Variants in AUTS2 observed in about 807,000 individuals in gnomAD.
AUTS2 encodes autism susceptibility gene 2 protein.
In AUTS2, 17 loss-of-function variants were observed where a neutral mutation model predicts 112.4. That is an observed-to-expected ratio of 0.15 (90% confidence interval 0.10 to 0.23). The LOEUF is 0.23. Ranked by LOEUF, AUTS2 falls within the 10% of genes least tolerant of loss-of-function variation. The pLI is 1.00. For missense variants in AUTS2, 1,510 were observed against 1,701.6 expected (o/e 0.89, Z 1.98); for synonymous variants, 751 against 702.7 (o/e 1.07, Z -1.09).
Position 70,791,020 on chromosome 7 carries a change from G to C in AUTS2, c.*24G>C. The C allele has an allele frequency of 6.8e-7, 1 of 1,475,104 alleles. No homozygotes were observed. Among genetic ancestry groups the C allele is most frequent in the Non-Finnish European group, 9.0e-7 (1 of 1,116,446 alleles). 91.4% of individuals were successfully genotyped at this position (1,475,104 alleles called of 1,614,324 possible). A position where few individuals can be genotyped will look rare whatever the true frequency, so the allele number is the denominator to read the frequency against. On this transcript the variant is annotated 3_prime_UTR_variant, in exon 19 of 19. Transcript: ENST00000342771. ...AAGCCGAGAACAGGAGCAAGAACGA[G>C]GAAGAAGAAACCCTAGGCAGACACC...
At chr7:70,029,834 G>A (rs1387233301) in intron 2 of AUTS2, among the ~76,000 whole-genome samples, 2 of 152,178 alleles carry the variant, frequency 1.3e-5, no homozygotes, top group African/African-American at 4.8e-5. Context: ...ATCGTAATAT[G>A]AAAAATATGT....
chr7:70,579,411 T>C (rs988746617), intron 5 of AUTS2, among the ~76,000 whole-genome samples: 2 of 152,178 alleles, frequency 1.3e-5, no homozygotes, highest in African/African-American at 4.8e-5. Context: ...CTTAAGGACT[T>C]TTTTTCTTGA....
rs59473239 is a variant in AUTS2, at chr7:70,787,003, GA to G, written c.2309-196del. 9,137 of 581,852 alleles carry G rather than the reference GA, an allele frequency of 0.016. 274 individuals are homozygous for G. The highest frequency in any genetic ancestry group is 0.1 in the African/African-American group (5,158 of 51,502). The allele number at this position is 581,852 out of a possible 1,614,324, so 36.0% of individuals were successfully genotyped here. ...CCACCTTTGCTTTTGGTTTTAAAAA[GA>G]AAAAAAAAAGCTGTGAGCTACCTCT... On this transcript the variant is annotated intron_variant, in intron 17 of 18. Coordinates refer to ENST00000342771, the MANE Select transcript of AUTS2 (RefSeq NM_015570.4).
chr7:70,649,500 T>TTTTA (rs80256360), intron 5 of AUTS2, among the ~76,000 whole-genome samples: 87,129 of 143,716 alleles, frequency 0.61, 26,851 homozygotes, highest in South Asian at 0.69. Context: ...TGGTGATTTA[T>TTTTA]TTTATTTATT....
chr7:70,211,652 G>GA (rs1367661179), intron 4 of AUTS2, among the ~76,000 whole-genome samples: 22 of 144,640 alleles, frequency 1.5e-4, no homozygotes, highest in Non-Finnish European at 2.6e-4. Context: ...CTGTCTCAAA[G>GA]AAAAAAAAAG....
intron 2 of AUTS2, among the ~76,000 whole-genome samples, chr7:70,065,690 T>A (rs984332583): frequency 2.6e-5 from 4 of 151,846 alleles, no homozygotes; most frequent in African/African-American, 7.3e-5. Flanking sequence ...AGAGTGAAAC[T>A]CCATCTCAAA....
intron 1 of AUTS2, among the ~76,000 whole-genome samples, chr7:69,630,206 G>A (rs1465486115): frequency 1.3e-5 from 2 of 152,178 alleles, no homozygotes; most frequent in Non-Finnish European, 2.9e-5. Context: ...GCAGTGAGCC[G>A]AGATCGTGCC....
chr7:70,240,551 T>G (rs1439521833), intron 4 of AUTS2, among the ~76,000 whole-genome samples: 4 of 152,168 alleles, frequency 2.6e-5, no homozygotes, highest in Non-Finnish European at 4.4e-5. Flanking sequence ...CTAACATCTT[T>G]CCAGAAACCA....
chr7:70,241,610 A>G (rs1812617371), intron 4 of AUTS2, among the ~76,000 whole-genome samples: 1 of 152,132 alleles, frequency 6.6e-6, no homozygotes, highest in African/African-American at 2.4e-5. Context: ...CTGTAAGAAA[A>G]ATGGGAGGGG....
At position 70,631,793 on chromosome 7, in the gene AUTS2, C is replaced by T. The variant is rs1162387285; in HGVS notation, c.691-66776C>T. On this transcript the variant is annotated intron_variant, in intron 5 of 18. Coordinates refer to ENST00000342771, the MANE Select transcript of AUTS2 (RefSeq NM_015570.4). The surrounding 1 kb of genome is among the most constrained non-coding windows in gnomAD (Gnocchi z 4.5). ...TTGAATCAATACTGCTGCTTGACAG[C>T]ATCTCCAGCCCCGCGCCCGTGTGTG... is the stretch of plus-strand genomic sequence containing the variant. Among the ~76,000 whole-genome samples the T allele has an allele frequency of 1.3e-5, 2 of 152,128 alleles. No homozygotes were observed. Among genetic ancestry groups the T allele is most frequent in the Admixed American group, 6.5e-5 (1 of 15,282 alleles).
At chr7:70,362,628 C>T (rs564717639) in intron 4 of AUTS2, among the ~76,000 whole-genome samples, 1 of 152,160 alleles carries the variant, frequency 6.6e-6, no homozygotes, top group South Asian at 2.1e-4. Context: ...CCCTCCCTCC[C>T]TCTCTCCTTC....
In AUTS2 at chr7:69,603,895, GT is replaced by G. The variant is rs200991875; in HGVS notation, c.309+3941del. On this transcript the variant is annotated intron_variant, in intron 1 of 18. Transcript: ENST00000342771. ...ATAGTGTTGGCTTTCTGCTATTTGG[GT>G]TTTTTTTCTGTGTTGTGTCTATTAG... Among the ~76,000 whole-genome samples the G allele has an allele frequency of 1.1e-4, 17 of 151,974 alleles. No individual in the cohort carries two copies. The East Asian group carries it at 3.1e-3, about 28-fold the overall frequency.
At chr7:70,740,516 C>G (rs375273464) in intron 6 of AUTS2, among the ~76,000 whole-genome samples, 1 of 152,058 alleles carries the variant, frequency 6.6e-6, no homozygotes, top group Admixed American at 6.5e-5. Context: ...CATGTCTCAT[C>G]ATATTCCTCT....
chr7:69,780,198 A>G (rs185946879), intron 1 of AUTS2, among the ~76,000 whole-genome samples: 12 of 152,330 alleles, frequency 7.9e-5, no homozygotes, highest in Middle Eastern at 3.4e-3. Context: ...ATGTTTGGCC[A>G]TATCAGATTT....
intron 2 of AUTS2, among the ~76,000 whole-genome samples, chr7:70,043,147 G>A (rs1002837796): frequency 2.0e-5 from 3 of 152,110 alleles, no homozygotes; most frequent in Admixed American, 1.3e-4. Flanking sequence ...GGCTGACTTG[G>A]AAGGAAATTA....
chr7:70,567,612 CAT>C (rs1801758988), intron 5 of AUTS2, among the ~76,000 whole-genome samples: 1 of 152,210 alleles, frequency 6.6e-6, no homozygotes, highest in Admixed American at 6.5e-5. Flanking sequence ...CCAGGGAACA[CAT>C]GTGACTTTTT....
At chr7:70,774,613 C>T (rs1790570428) in intron 12 of AUTS2, among the ~76,000 whole-genome samples, 1 of 152,124 alleles carries the variant, frequency 6.6e-6, no homozygotes, top group South Asian at 2.1e-4. Context: ...ATAAAATATC[C>T]ATTATGCTTT....
chr7:70,438,950 C>T (rs2130908235), intron 5 of AUTS2, among the ~76,000 whole-genome samples: 1 of 152,342 alleles, frequency 6.6e-6, no homozygotes, highest in East Asian at 1.9e-4. Context: ...TAGGGATCTG[C>T]AGAACCGGCA....
At chr7:70,098,407 T>A (rs1456561911) in intron 2 of AUTS2, among the ~76,000 whole-genome samples, 1 of 152,204 alleles carries the variant, frequency 6.6e-6, no homozygotes, top group East Asian at 1.9e-4. Flanking sequence ...ATTGCTGCCC[T>A]TGCGGGGCTG....
Sources: gnomAD v4.1 joint callset for allele counts (sites outside exome capture counted in the v4.1 genomes callset) on GRCh38, gnomAD v4.1.1 for gene constraint, Gnocchi (gnomAD v3.1) non-coding constraint, MANE v1.5 for transcripts, NCBI Gene and HGNC (gene_info 2026-07-23, HGNC 2026-07-21) for gene names.